KANSL1: variants seen among roughly 807,000 people sequenced by gnomAD.
KANSL1 encodes KAT8 regulatory NSL complex subunit 1.
KANSL1 carries 22 observed loss-of-function variants against 103.6 expected under a neutral mutation model. That is an observed-to-expected ratio of 0.21 (90% CI 0.15 to 0.30). The LOEUF (loss-of-function observed/expected upper bound fraction) is 0.30, where lower values mean the gene tolerates loss of function less well. KANSL1 is among the 10% of genes least tolerant of loss of function. The pLI is 1.00. For missense variants in KANSL1, 1,337 were observed against 1,399.8 expected (o/e 0.96, Z 0.72); for synonymous variants, 600 against 527.6 (o/e 1.14, Z -1.88).
chr17:46,170,014 A>G (rs2696661), intron 2 of KANSL1, among the ~76,000 whole-genome samples: 152,176 of 152,328 alleles, frequency 1, 76,012 homozygotes, highest in Middle Eastern at 1. Flanking sequence ...GGTGGCGGGT[A>G]CCTGTAATCC....
At chr17:46,200,925 G>C (rs899948355) in intron 1 of KANSL1, among the ~76,000 whole-genome samples, 1 of 149,738 alleles carries the variant, frequency 6.7e-6, no homozygotes, top group Non-Finnish European at 1.5e-5. Context: ...TTTTTTTTGA[G>C]ACACAGTCTC....
intron 6 of KANSL1, among the ~76,000 whole-genome samples, chr17:46,060,431 TATGTG>T (rs766422030): frequency 1.2e-4 from 19 of 152,242 alleles, no homozygotes; most frequent in Non-Finnish European, 2.1e-4. Context: ...ATTTATTTTG[TATGTG>T]TTTTATAATG....
Position 46,059,648 on chromosome 17 carries a change from AG to A in KANSL1, c.1848+6888del, listed in dbSNP as rs1199049256. 7.7e-4 allele frequency among the ~76,000 whole-genome samples: 8 copies of A among 10,334 alleles called. No individual in the cohort carries two copies. In the East Asian group the frequency reaches 0.032, roughly 41 times the overall value. 6.8% of individuals were successfully genotyped at this position (10,334 alleles called of 152,430 possible). A position where few individuals can be genotyped will look rare whatever the true frequency, so the allele number is the denominator to read the frequency against. On this transcript the variant is annotated intron_variant, in intron 6 of 14. Coordinates refer to ENST00000432791, the MANE Select transcript of KANSL1 (RefSeq NM_015443.4). ...GACTCCAAAAAAAAAAAAAAAAAAA[AG>A]AGAGAGAGAGAGAGAGAAAAGGAAA...
intron 1 of KANSL1, among the ~76,000 whole-genome samples, chr17:46,181,507 G>A (rs2147834030): frequency 6.6e-6 from 1 of 152,018 alleles, no homozygotes. Context: ...TCCGCTCACT[G>A]CAACCTCCGC....
chr17:46,219,926 A>C (rs568915892), intron 1 of KANSL1, among the ~76,000 whole-genome samples: 119 of 152,006 alleles, frequency 7.8e-4, no homozygotes, highest in African/African-American at 2.7e-3. Context: ...ACACGGTGAA[A>C]CTCCGTCTCT....
At chr17:46,130,187 C>CAAAAAAAAAAATAAAAAAAAAA (rs2043785687) in intron 2 of KANSL1, among the ~76,000 whole-genome samples, 1 of 75,472 alleles carries the variant, frequency 1.3e-5, no homozygotes, top group Non-Finnish European at 2.7e-5. Context: ...ATCCTGTCTC[C>CAAAAAAAAAAATAAAAAAAAAA]AAAAAAAAAA....
chr17:46,193,560 G>GC, upstream of KANSL1: 1 of 150,450 alleles, frequency 6.6e-6, no homozygotes, highest in Non-Finnish European at 1.4e-5. Flanking sequence ...CCGCCGCGCC[G>GC]CCCCCGCGGG....
chr17:46,110,369 C>T (rs1201343557), intron 2 of KANSL1, among the ~76,000 whole-genome samples: 1 of 152,192 alleles, frequency 6.6e-6, no homozygotes, highest in Non-Finnish European at 1.5e-5. Flanking sequence ...TGGCACATTA[C>T]AGATATTAAT....
chr17:46,124,496 C>A (rs2043426831), intron 2 of KANSL1, among the ~76,000 whole-genome samples: 1 of 152,208 alleles, frequency 6.6e-6, no homozygotes, highest in Admixed American at 6.5e-5. Context: ...ATCCATTGTG[C>A]AGCCCACAGA....
At chr17:46,064,696 T>A (rs921307670) in intron 6 of KANSL1, among the ~76,000 whole-genome samples, 1 of 152,130 alleles carries the variant, frequency 6.6e-6, no homozygotes, top group African/African-American at 2.4e-5. Context: ...TTGGTTTTTC[T>A]TCTACTTTAT....
chr17:46,084,596 C>A (rs1332766135), intron 3 of KANSL1, among the ~76,000 whole-genome samples: 1 of 150,104 alleles, frequency 6.7e-6, no homozygotes. Context: ...GCAGGAGAAT[C>A]GCTTGAACCT....
At chr17:46,224,363 G>A (rs962284638), upstream of KANSL1, among the ~76,000 whole-genome samples, 20 of 151,578 alleles carry the variant, frequency 1.3e-4, no homozygotes, top group African/African-American at 4.8e-4. Context: ...AATTTGCCTG[G>A]AGGCAGGAGG....
chr17:46,070,773 A>C (rs1277062479), intron 4 of KANSL1, among the ~76,000 whole-genome samples: 7 of 152,034 alleles, frequency 4.6e-5, no homozygotes, highest in Admixed American at 1.3e-4. Context: ...GGTATATTTG[A>C]TTTATATATG....
chr17:46,158,491 T>C (rs1375325344), intron 2 of KANSL1, among the ~76,000 whole-genome samples: 9 of 152,128 alleles, frequency 5.9e-5, no homozygotes, highest in Non-Finnish European at 2.9e-5. Context: ...GCCTTCCAAG[T>C]AGCTGGGATT....
At chr17:46,098,721 G>C (rs1245188228) in intron 2 of KANSL1, among the ~76,000 whole-genome samples, 2 of 152,248 alleles carry the variant, frequency 1.3e-5, no homozygotes, top group Non-Finnish European at 2.9e-5. Context: ...AAGTGTATCT[G>C]TGATGTGATG....
intron 2 of KANSL1, among the ~76,000 whole-genome samples, chr17:46,102,325 C>T (rs950681425): frequency 6.6e-6 from 1 of 152,224 alleles, no homozygotes; most frequent in African/African-American, 2.4e-5. Context: ...TCTCAGCTCA[C>T]TGCAACCTCT....
chr17:46,201,903 AAG>A (rs1280785278), intron 1 of KANSL1, among the ~76,000 whole-genome samples: 6 of 152,220 alleles, frequency 3.9e-5, no homozygotes, highest in Non-Finnish European at 8.8e-5. Flanking sequence ...GCTACACAGG[AAG>A]CCAAGGTGGG....
intron 3 of KANSL1, among the ~76,000 whole-genome samples, chr17:46,092,131 G>A (rs2079419175): frequency 6.6e-6 from 1 of 152,118 alleles, no homozygotes. Context: ...CACTGCGCAC[G>A]GCCCTCAGCT....
chr17:46,075,866 T>C (rs1369871796), intron 4 of KANSL1, among the ~76,000 whole-genome samples: 1 of 152,092 alleles, frequency 6.6e-6, no homozygotes, highest in Non-Finnish European at 1.5e-5. Context: ...TACACATTAC[T>C]CCCTACACCA....
Sources: gnomAD v4.1 joint callset for allele counts (sites outside exome capture counted in the v4.1 genomes callset) on GRCh38, gnomAD v4.1.1 for gene constraint, MANE v1.5 for transcripts, NCBI Gene and HGNC (gene_info 2026-07-23, HGNC 2026-07-21) for gene names.